RIN2: variants seen among roughly 807,000 people sequenced by gnomAD.
RIN2 encodes the protein Ras and Rab interactor 2.
A neutral mutation model predicts 78.0 loss-of-function variants in RIN2; 36 were observed. The ratio of observed to expected loss-of-function variants is 0.46; its 90% confidence interval spans 0.35 to 0.61. The LOEUF is 0.61. Ranked by LOEUF, RIN2 falls within the 20% of genes least tolerant of loss-of-function variation. The pLI, the probability that RIN2 is intolerant of heterozygous loss-of-function variation, is 0.00. For synonymous variants in RIN2, 466 were observed against 466.8 expected (o/e 1.00, Z 0.02); for missense variants, 1,087 against 1,159.7 (o/e 0.94, Z 0.91).
At chr20:19,988,971 G>A (rs761514240) in intron 9 of RIN2, among the ~76,000 whole-genome samples, 8 of 151,644 alleles carry the variant, frequency 5.3e-5, no homozygotes, top group African/African-American at 1.7e-4. Context: ...ACACAAATAC[G>A]TGCACACACA....
intron 5 of RIN2, among the ~76,000 whole-genome samples, chr20:19,958,407 C>A (rs928766741): frequency 1.3e-5 from 2 of 152,278 alleles, no homozygotes; most frequent in East Asian, 3.8e-4. Context: ...CCAGCTCCCC[C>A]TCCCAAGGTA....
chr20:19,767,468 C>A (rs560487566), intron 1 of RIN2, among the ~76,000 whole-genome samples: 81 of 152,118 alleles, frequency 5.3e-4, no homozygotes, highest in Non-Finnish European at 1.0e-3. Context: ...GGTCCTATGA[C>A]CCACTTTGAA....
At chr20:19,896,478 A>C (rs544088524) in intron 3 of RIN2, among the ~76,000 whole-genome samples, 2 of 152,240 alleles carry the variant, frequency 1.3e-5, no homozygotes, top group African/African-American at 4.8e-5. Context: ...CAAAAGCCAT[A>C]GAGATGAATG....
At chr20:19,813,688 G>T (rs1342308176) in intron 2 of RIN2, among the ~76,000 whole-genome samples, 1 of 152,044 alleles carries the variant, frequency 6.6e-6, no homozygotes, top group Non-Finnish European at 1.5e-5. Flanking sequence ...TAAAATTTAT[G>T]TCTTCTAAAT....
intron 2 of RIN2, among the ~76,000 whole-genome samples, chr20:19,812,688 G>A (rs1819072023): frequency 6.6e-6 from 1 of 152,144 alleles, no homozygotes; most frequent in South Asian, 2.1e-4. Context: ...CCCCCATTCA[G>A]AATGGCATAC....
At chr20:19,921,596 G>A (rs1037771836) in intron 3 of RIN2, among the ~76,000 whole-genome samples, 1 of 152,212 alleles carries the variant, frequency 6.6e-6, no homozygotes, top group Non-Finnish European at 1.5e-5. Flanking sequence ...CATCCAGGTG[G>A]GGGCGTTTGG....
At chr20:19,886,532 G>A (rs1305947896) in intron 2 of RIN2, 3 of 582,482 alleles carry the variant, frequency 5.2e-6, no homozygotes, top group Admixed American at 3.1e-5. Context: ...TTTCAGTGGT[G>A]TTGTTGAAAG....
chr20:19,969,898 C>T (rs572318843), intron 7 of RIN2, among the ~76,000 whole-genome samples: 2 of 149,490 alleles, frequency 1.3e-5, no homozygotes, highest in African/African-American at 5.0e-5. Flanking sequence ...GGGGAATTCA[C>T]CAGTGCTTAG....
chr20:19,772,147 C>T (rs937910649), intron 1 of RIN2, among the ~76,000 whole-genome samples: 4 of 152,140 alleles, frequency 2.6e-5, no homozygotes, highest in African/African-American at 9.7e-5. Flanking sequence ...AGTTTCTCAC[C>T]CTGTTTCCTG....
chr20:19,847,327 C>T (rs1600605229), intron 2 of RIN2, among the ~76,000 whole-genome samples: 1 of 152,298 alleles, frequency 6.6e-6, no homozygotes, highest in East Asian at 1.9e-4. Flanking sequence ...CAGTTTAGGC[C>T]ACAGTTCCTT....
At chr20:19,838,043 G>T (rs2036473650) in intron 2 of RIN2, among the ~76,000 whole-genome samples, 1 of 152,118 alleles carries the variant, frequency 6.6e-6, no homozygotes, top group Non-Finnish European at 1.5e-5. Flanking sequence ...AAATCAGAGG[G>T]TTTTTTAATT....
rs1192416405 is a variant in RIN2, at chr20:19,975,919, TTGAA to T, written c.1762+135_1762+138del. The T allele has an allele frequency of 6.7e-6, 6 of 889,366 alleles. No individual in the cohort carries two copies. Among genetic ancestry groups the T allele is most frequent in the Non-Finnish European group, 1.1e-5 (6 of 561,194 alleles). The allele number at this position is 889,366 out of a possible 1,614,324, so 55.1% of individuals were successfully genotyped here. A position where few individuals can be genotyped will look rare whatever the true frequency, so the allele number is the denominator to read the frequency against. On this transcript the variant is annotated intron_variant, in intron 9 of 12. Coordinates refer to ENST00000255006, the MANE Select transcript of RIN2 (RefSeq NM_018993.4). The surrounding 1 kb of genome is among the most constrained non-coding windows in gnomAD (Gnocchi z 4.9). ...ACCCAGCTCCACCTTCTCTCCCGGT[TTGAA>T]TGGAAAAATCAGTTTCTCAAAGTAG...
intron 9 of RIN2, among the ~76,000 whole-genome samples, chr20:19,978,143 T>A (rs2042339597): frequency 6.6e-6 from 1 of 152,052 alleles, no homozygotes; most frequent in Admixed American, 6.6e-5. Flanking sequence ...GCTTAAAAAC[T>A]GGTCTATGTC....
rs536242294 is a variant in RIN2 at position 19,807,968 on chromosome 20, A to G, written c.-37+8221A>G. ...TTTTGTGAGTTATAAGTCATAAAGC[A>G]TATGCTAGGGGTGGCATCACTGTTG... On this transcript the variant is annotated intron_variant, in intron 2 of 12. Transcript: ENST00000255006. Among the ~76,000 whole-genome samples the G allele has an allele frequency of 3.9e-5, 6 of 152,342 alleles. No homozygotes were observed. In the South Asian group the frequency reaches 1.0e-3, roughly 26 times the overall value.
intron 4 of RIN2, among the ~76,000 whole-genome samples, chr20:19,939,014 T>G (rs2040758553): frequency 6.6e-6 from 1 of 152,144 alleles, no homozygotes; most frequent in Non-Finnish European, 1.5e-5. Flanking sequence ...ACTGCCCTCC[T>G]CCCATCCATC....
intron 4 of RIN2, chr20:19,935,460 C>T (rs2040599951): frequency 8.1e-7 from 1 of 1,242,158 alleles, no homozygotes; most frequent in Non-Finnish European, 1.0e-6. Context: ...CTAAAATTGT[C>T]TGTGCCATAT....
chr20:19,888,500 C>A (rs117161703), intron 2 of RIN2, among the ~76,000 whole-genome samples: 1 of 152,214 alleles, frequency 6.6e-6, no homozygotes, highest in Non-Finnish European at 1.5e-5. Flanking sequence ...GCAGCAGCAG[C>A]TGCCTTAGCT....
chr20:19,870,651 A>G (rs993227648), intron 2 of RIN2, among the ~76,000 whole-genome samples: 1 of 152,210 alleles, frequency 6.6e-6, no homozygotes, highest in African/African-American at 2.4e-5. Context: ...TTTCAAAAAA[A>G]AGAAAGAAAG....
At chr20:19,897,372 G>T (rs76344786) in intron 3 of RIN2, among the ~76,000 whole-genome samples, 8 of 152,108 alleles carry the variant, frequency 5.3e-5, no homozygotes, top group African/African-American at 1.9e-4. Context: ...GCCTCCTAAA[G>T]TTCTGGGATT....
Sources: gnomAD v4.1 joint callset for allele counts (sites outside exome capture counted in the v4.1 genomes callset) on GRCh38, gnomAD v4.1.1 for gene constraint, Gnocchi (gnomAD v3.1) non-coding constraint, MANE v1.5 for transcripts, NCBI Gene and HGNC (gene_info 2026-07-23, HGNC 2026-07-21) for gene names.